Variants in FSTL5 observed in about 807,000 individuals in gnomAD.
FSTL5 encodes the protein follistatin-related protein 5.
Under a neutral mutation model 89.1 loss-of-function variants are expected in FSTL5, and 62 were observed. The ratio of observed to expected loss-of-function variants is 0.70; its 90% CI spans 0.57 to 0.86. The LOEUF is 0.86. FSTL5 is among the 40% of genes least tolerant of loss of function. The probability of loss-of-function intolerance (pLI) is 0.00; values close to 1 mark genes in which losing one functional copy is unlikely to be tolerated. For synonymous variants in FSTL5, 383 were observed against 346.2 expected (o/e 1.11, Z -1.18); for missense variants, 1,057 against 1,001.6 (o/e 1.06, Z -0.75).
chr4:162,146,752 T>TTCTCTCTCTCTC (rs373161292), intron 1 of FSTL5, among the ~76,000 whole-genome samples: 1,667 of 117,920 alleles, frequency 0.014, 37 homozygotes, highest in East Asian at 0.11. Flanking sequence ...TCTTTCTCCT[T>TTCTCTCTCTCTC]TCTCTCTCTC....
intron 12 of FSTL5, among the ~76,000 whole-genome samples, chr4:161,487,122 ATATAT>A (rs1357098945): frequency 5.9e-5 from 9 of 152,202 alleles, no homozygotes; most frequent in Admixed American, 4.6e-4. Flanking sequence ...GCAATGAATC[ATATAT>A]TATATTTCCA....
chr4:161,939,740 G>C (rs1230243695), intron 3 of FSTL5, among the ~76,000 whole-genome samples: 1 of 151,958 alleles, frequency 6.6e-6, no homozygotes, highest in East Asian at 1.9e-4. Context: ...GCACTAACAT[G>C]AGGATAACAG....
intron 6 of FSTL5, among the ~76,000 whole-genome samples, chr4:161,738,993 A>G (rs1739911552): frequency 6.6e-6 from 1 of 152,200 alleles, no homozygotes; most frequent in South Asian, 2.1e-4. Flanking sequence ...GTAGTTGTAA[A>G]GGAAAACTCC....
At chr4:161,515,823 T>C (rs1404508581) in intron 10 of FSTL5, among the ~76,000 whole-genome samples, 2 of 151,208 alleles carry the variant, frequency 1.3e-5, no homozygotes, top group Non-Finnish European at 3.0e-5. Flanking sequence ...GTGTGTGGTG[T>C]GTGTCTATGT....
rs150030556 is a variant in FSTL5, at chr4:161,425,364, C to T, written c.1841+29640G>A. ...ATTAGCCATATCGAGGTATGTTAGA[C>T]GACAGATCCAAAGAATATGGGTGTG... On this transcript the variant is annotated intron_variant, in intron 15 of 15. Coordinates refer to ENST00000306100, the MANE Select transcript of FSTL5 (RefSeq NM_020116.5). 9.2e-3 allele frequency among the ~76,000 whole-genome samples: 1,393 copies of T among 152,168 alleles called. 25 individuals carry two copies. The highest frequency in any genetic ancestry group is 0.029 in the African/African-American group (1,205 of 41,504).
At chr4:161,858,475 G>T (rs1487238748) in intron 4 of FSTL5, among the ~76,000 whole-genome samples, 1 of 152,042 alleles carries the variant, frequency 6.6e-6, no homozygotes, top group Non-Finnish European at 1.5e-5. Flanking sequence ...GCAAAAGCAG[G>T]CATGATTTCT....
chr4:162,124,150 G>A (rs1393453986), intron 1 of FSTL5, among the ~76,000 whole-genome samples: 1 of 152,146 alleles, frequency 6.6e-6, no homozygotes, highest in Non-Finnish European at 1.5e-5. Flanking sequence ...GTACTAGTAT[G>A]ATATCTGAGA....
At chr4:161,873,758 T>C (rs1264055696) in intron 4 of FSTL5, among the ~76,000 whole-genome samples, 2 of 151,742 alleles carry the variant, frequency 1.3e-5, no homozygotes, top group Admixed American at 6.6e-5. Context: ...CGCAAAAATA[T>C]ACTAGATATG....
intron 7 of FSTL5, among the ~76,000 whole-genome samples, chr4:161,643,923 T>C (rs186338903): frequency 2.0e-5 from 3 of 152,318 alleles, no homozygotes; most frequent in Admixed American, 1.3e-4. Flanking sequence ...ACGTGACTTG[T>C]TATTTGCACA....
At chr4:161,583,028 TA>T (rs1733489160) in intron 8 of FSTL5, among the ~76,000 whole-genome samples, 1 of 151,604 alleles carries the variant, frequency 6.6e-6, no homozygotes, top group South Asian at 2.1e-4. Context: ...CTACTAAAAA[TA>T]AAAAATAAAA....
At chr4:161,627,291 C>T (rs565855251) in intron 7 of FSTL5, among the ~76,000 whole-genome samples, 15 of 152,274 alleles carry the variant, frequency 9.9e-5, no homozygotes, top group African/African-American at 3.4e-4. Flanking sequence ...AGGCAAGATC[C>T]TCCACTAGCA....
intron 10 of FSTL5, among the ~76,000 whole-genome samples, chr4:161,523,406 A>C (rs190687608): frequency 6.6e-6 from 1 of 152,306 alleles, no homozygotes; most frequent in Non-Finnish European, 1.5e-5. Flanking sequence ...TATCTATTAT[A>C]ATAAGTTCTT....
chr4:161,511,082 A>G (rs890935283), intron 10 of FSTL5, among the ~76,000 whole-genome samples: 1 of 152,154 alleles, frequency 6.6e-6, no homozygotes, highest in Non-Finnish European at 1.5e-5. Flanking sequence ...ATAGAAATTA[A>G]GAAAAAAATC....
intron 8 of FSTL5, among the ~76,000 whole-genome samples, chr4:161,566,580 G>A (rs1481983599): frequency 6.6e-6 from 1 of 151,988 alleles, no homozygotes; most frequent in Non-Finnish European, 1.5e-5. Flanking sequence ...CCAGCAGTTC[G>A]TAAGTATTCC....
intron 3 of FSTL5, among the ~76,000 whole-genome samples, chr4:162,005,776 A>G (rs1736598647): frequency 6.6e-6 from 1 of 152,062 alleles, no homozygotes; most frequent in South Asian, 2.1e-4. Flanking sequence ...TATGGACACT[A>G]TGGGATAAGC....
chr4:162,027,916 T>C (rs972203090), intron 3 of FSTL5, among the ~76,000 whole-genome samples: 11 of 152,120 alleles, frequency 7.2e-5, no homozygotes, highest in Non-Finnish European at 1.6e-4. Context: ...TCCGAGAAAA[T>C]AGAATTGTTC....
At chr4:161,416,373 G>T (rs1731780041) in intron 15 of FSTL5, among the ~76,000 whole-genome samples, 1 of 151,720 alleles carries the variant, frequency 6.6e-6, no homozygotes, top group Non-Finnish European at 1.5e-5. Flanking sequence ...TCTTTCACAA[G>T]CTTTTTCTGT....
chr4:161,883,303 C>T (rs1732694152), intron 4 of FSTL5, among the ~76,000 whole-genome samples: 1 of 152,178 alleles, frequency 6.6e-6, no homozygotes, highest in Admixed American at 6.5e-5. Flanking sequence ...GCTGAACAAG[C>T]TCTATTCACT....
intron 8 of FSTL5, among the ~76,000 whole-genome samples, chr4:161,583,622 G>A (rs566941209): frequency 6.6e-6 from 1 of 152,138 alleles, no homozygotes; most frequent in African/African-American, 2.4e-5. Context: ...ATAAATCAGT[G>A]TTATTTTATA....
Sources: gnomAD v4.1 joint callset for allele counts (sites outside exome capture counted in the v4.1 genomes callset) on GRCh38, gnomAD v4.1.1 for gene constraint, MANE v1.5 for transcripts, NCBI Gene and HGNC (gene_info 2026-07-23, HGNC 2026-07-21) for gene names.